The following SLC19A1 variants were observed in gnomAD, a reference collection of about 807,000 sequenced individuals.
The protein encoded by SLC19A1 is reduced folate transporter.
SLC19A1 carries 37 observed loss-of-function variants against 35.3 expected under a neutral mutation model. The ratio of observed to expected loss-of-function variants is 1.05; its 90% CI spans 0.81 to 1.38. The LOEUF is 1.38. Ranked by LOEUF, SLC19A1 falls within the 40% of genes most tolerant of loss-of-function variation. SLC19A1 has a pLI of 0.00. For synonymous variants in SLC19A1, 460 were observed against 398.5 expected, an observed-to-expected ratio of 1.15 and a Z score of -1.84; for missense variants, 831 against 826.9, an observed-to-expected ratio of 1.00 and a Z score of -0.06.
intron 3 of SLC19A1, chr21:45,505,686 C>G (rs2037158473): frequency 2.8e-6 from 2 of 703,562 alleles, no homozygotes; most frequent in Non-Finnish European, 4.9e-6. Flanking sequence ...GGCAGGGGTC[C>G]CCATGGTGCT....
At chr21:45,512,558 CAA>C (rs2037673933), downstream of SLC19A1, 3 of 693,190 alleles carry the variant, frequency 4.3e-6, no homozygotes, top group African/African-American at 1.8e-5. Context: ...AAAAGGAAGC[CAA>C]AGAGTGTATT....
downstream of SLC19A1, chr21:45,512,428 G>T: frequency 6.2e-7 from 1 of 1,602,316 alleles, no homozygotes; most frequent in South Asian, 1.1e-5. Flanking sequence ...GGCCGGAGAG[G>T]ACCGGCGGCT....
chr21:45,544,007 A>G (rs558527185), upstream of SLC19A1: 43 of 152,618 alleles, frequency 2.8e-4, 1 homozygote, highest in South Asian at 5.4e-3. Context: ...GTGGGGATGA[A>G]CAGCAGCGGG....
chr21:45,525,246 G>A (rs965012941), intron 5 of SLC19A1, among the ~76,000 whole-genome samples: 2 of 152,234 alleles, frequency 1.3e-5, no homozygotes, highest in East Asian at 1.9e-4. Context: ...GGCTGGGGCA[G>A]TCCTGAGGAG....
At chr21:45,541,997 G>A (rs1432303102) in intron 1 of SLC19A1, among the ~76,000 whole-genome samples, 3 of 152,024 alleles carry the variant, frequency 2.0e-5, no homozygotes. Context: ...CCGGGCCACC[G>A]CGACCCCCGC....
intron 4 of SLC19A1, among the ~76,000 whole-genome samples, chr21:45,528,789 G>C (rs1393682037): frequency 6.6e-6 from 1 of 152,182 alleles, no homozygotes; most frequent in Non-Finnish European, 1.5e-5. Context: ...ACTCATGACC[G>C]GGAGTGACCA....
At chr21:45,539,480 T>G (rs2078237511) in intron 1 of SLC19A1, among the ~76,000 whole-genome samples, 1 of 152,186 alleles carries the variant, frequency 6.6e-6, no homozygotes, top group Non-Finnish European at 1.5e-5. Context: ...AGAAGTCTCC[T>G]CCAACCCTCC....
In SLC19A1 at chr21:45,526,900, T is replaced by G. The variant is rs571925253; in HGVS notation, c.1152-942A>C. ...TTCTGGCTGTTTTGATTAGGGATGCTGAACCTATACAATGGGTGTCACAAA... is the reference window on the plus strand; with the variant it reads ...TTCTGGCTGTTTTGATTAGGGATGCGGAACCTATACAATGGGTGTCACAAA... On this transcript the variant is annotated intron_variant, in intron 4 of 5. Coordinates refer to ENST00000311124, the MANE Select transcript of SLC19A1 (RefSeq NM_194255.4). Among the ~76,000 whole-genome samples, 9 of 152,354 alleles carry G rather than the reference T, an allele frequency of 5.9e-5. No individual in the cohort carries two copies. The South Asian group carries it at 1.9e-3, about 32-fold the overall frequency.
In SLC19A1 at chr21:45,517,345, C is replaced by T. The variant is rs2038010278; in HGVS notation, c.1294-1205G>A. On this transcript the variant is annotated intron_variant, in intron 5 of 5. Transcript: ENST00000311124. This position sits in a 1 kb window ranked among gnomAD's most constrained non-coding sequence, Gnocchi z 4.4. Reference sequence around the variant, plus strand: ...AAACACCAGACCTCGGCTCCACCCACCATGTCAGCAAGGACCCCCCACCCT... The same window carrying T: ...AAACACCAGACCTCGGCTCCACCCATCATGTCAGCAAGGACCCCCCACCCT... Among the ~76,000 whole-genome samples the T allele has an allele frequency of 6.7e-6, 1 of 149,196 alleles. No homozygotes were observed. Among genetic ancestry groups the T allele is most frequent in the African/African-American group, 2.6e-5 (1 of 38,624 alleles).
intron 4 of SLC19A1, among the ~76,000 whole-genome samples, chr21:45,528,879 G>A (rs994809902): frequency 3.3e-5 from 5 of 152,218 alleles, no homozygotes; most frequent in African/African-American, 7.2e-5. Flanking sequence ...GGGATTCCCC[G>A]TAGCAAACAG....
At chr21:45,559,162 G>A (rs2078591639) in intron 1 of SLC19A1, among the ~76,000 whole-genome samples, 1 of 152,148 alleles carries the variant, frequency 6.6e-6, no homozygotes, top group Non-Finnish European at 1.5e-5. Context: ...AATGTCAGTG[G>A]CAGAAATCAC....
At chr21:45,546,033 G>T (rs2078411809), upstream of SLC19A1, among the ~76,000 whole-genome samples, 1 of 152,218 alleles carries the variant, frequency 6.6e-6, no homozygotes, top group African/African-American at 2.4e-5. Flanking sequence ...AGCGGCCAGG[G>T]GTAGCCCATC....
Position 45,534,099 on chromosome 21 carries a change from G to C in SLC19A1, c.190-1951C>G, listed in dbSNP as rs148348779. Among the ~76,000 whole-genome samples, 125 of 152,286 alleles carry C rather than the reference G, an allele frequency of 8.2e-4. No homozygotes were observed. The East Asian group carries it at 0.02, about 24-fold the overall frequency. The stretch of plus-strand genomic sequence containing the variant: ...CACTCCGTCCTGCTCAGGACATTCC[G>C]GGACACTCTGAGGGCAGGTTATGTG... On this transcript the variant is annotated intron_variant, in intron 2 of 5. Coordinates refer to ENST00000311124, the MANE Select transcript of SLC19A1 (RefSeq NM_194255.4). The surrounding 1 kb of genome is among the most constrained non-coding windows in gnomAD (Gnocchi z 4.2).
chr21:45,505,207 A>AG, intron 3 of SLC19A1: 1 of 1,602,816 alleles, frequency 6.2e-7, no homozygotes, highest in Non-Finnish European at 8.5e-7. Flanking sequence ...ATCGGCTACG[A>AG]GGGGCGCCAG....
Position 45,540,482 on chromosome 21 carries a change from T to C in SLC19A1, c.-50+1886A>G, listed in dbSNP as rs896543903. The stretch of plus-strand genomic sequence containing the variant: ...AGAAGCGACCAGAACATTCCTTCCT[T>C]GGAGAGACAGCCAGAGTCTCCGCCA... On this transcript the variant is annotated intron_variant, in intron 1 of 5. Transcript: ENST00000311124. The surrounding 1 kb of genome is among the most constrained non-coding windows in gnomAD (Gnocchi z 5.5). Among the ~76,000 whole-genome samples, 3 of 152,098 alleles carry C rather than the reference T, an allele frequency of 2.0e-5. No homozygotes were observed. The highest frequency in any genetic ancestry group is 7.2e-5 in the African/African-American group (3 of 41,424).
chr21:45,512,428 G>A (rs373537387), downstream of SLC19A1: 352 of 1,602,316 alleles, frequency 2.2e-4, 5 homozygotes, highest in Middle Eastern at 2.9e-3. Context: ...GGCCGGAGAG[G>A]ACCGGCGGCT....
Position 45,557,318 on chromosome 21 carries a change from C to T in SLC19A1, c.-50+5424G>A, listed in dbSNP as rs564341727. On this transcript the variant is annotated intron_variant, in intron 1 of 5. Transcript: ENST00000650808. Reference sequence around the variant, plus strand: ...GAGACAGACCTTGGCCTCGTGACACCCTGGAGTCCCCGGCTTTGACCCCGT... The same window carrying T: ...GAGACAGACCTTGGCCTCGTGACACTCTGGAGTCCCCGGCTTTGACCCCGT... Among the ~76,000 whole-genome samples the T allele has an allele frequency of 5.9e-5, 9 of 152,332 alleles. No individual in the cohort carries two copies. In the East Asian group the frequency reaches 1.2e-3, roughly 20 times the overall value.
At chr21:45,558,451 C>T (rs1181295510) in intron 1 of SLC19A1, among the ~76,000 whole-genome samples, 4 of 152,332 alleles carry the variant, frequency 2.6e-5, no homozygotes, top group East Asian at 1.9e-4. Flanking sequence ...GCAGTGGTGC[C>T]GCAGAAGGGG....
At chr21:45,511,852 G>C (rs78037609), downstream of SLC19A1, among the ~76,000 whole-genome samples, 1 of 152,172 alleles carries the variant, frequency 6.6e-6, no homozygotes, top group African/African-American at 2.4e-5. Flanking sequence ...CCAGGAGCCC[G>C]GGAGGCGGAG....
Sources: allele counts gnomAD v4.1 joint callset (sites outside exome capture counted in the v4.1 genomes callset), GRCh38; gene constraint gnomAD v4.1.1; non-coding constraint Gnocchi (gnomAD v3.1); transcripts MANE v1.5; gene names NCBI Gene and HGNC (gene_info 2026-07-23, HGNC 2026-07-21).